The following MACROD2 variants were observed in gnomAD, a reference collection of about 807,000 sequenced individuals.
MACROD2 encodes mono-ADP ribosylhydrolase 2.
Under a neutral mutation model 70.4 loss-of-function variants are expected in MACROD2, and 36 were observed. The ratio of observed to expected loss-of-function variants is 0.51; its 90% CI spans 0.39 to 0.68. MACROD2 has a LOEUF of 0.68. Among genes scored for constraint, MACROD2 ranks in the 30% least tolerant of loss-of-function variants. The pLI is 0.00. For missense variants in MACROD2, 496 were observed against 538.4 expected (o/e 0.92, Z 0.78); for synonymous variants, 172 against 178.8 (o/e 0.96, Z 0.30).
At chr20:14,504,874 A>G (rs1411938084) in intron 4 of MACROD2, among the ~76,000 whole-genome samples, 1 of 152,210 alleles carries the variant, frequency 6.6e-6, no homozygotes, top group African/African-American at 2.4e-5. Context: ...CACACAGACA[A>G]TCATTATTCG....
intron 8 of MACROD2, among the ~76,000 whole-genome samples, chr20:15,849,329 CCT>C (rs1459367053): frequency 5.3e-5 from 8 of 152,184 alleles, no homozygotes; most frequent in Admixed American, 6.5e-5. Flanking sequence ...CAGCTTTTGT[CCT>C]CACAAAAATG....
At chr20:14,713,989 GAGC>G (rs1376979186) in intron 5 of MACROD2, among the ~76,000 whole-genome samples, 2 of 152,118 alleles carry the variant, frequency 1.3e-5, no homozygotes, top group Admixed American at 6.6e-5. Flanking sequence ...GTGTAAAGAA[GAGC>G]AGGACAGCAG....
intron 6 of MACROD2, among the ~76,000 whole-genome samples, chr20:15,354,877 T>C (rs551612156): frequency 6.6e-6 from 1 of 152,324 alleles, no homozygotes; most frequent in East Asian, 1.9e-4. Context: ...TGTACCATGA[T>C]AGAACTACAT....
intron 5 of MACROD2, among the ~76,000 whole-genome samples, chr20:14,702,294 C>T (rs2071205409): frequency 6.6e-6 from 1 of 151,470 alleles, no homozygotes; most frequent in Non-Finnish European, 1.5e-5. Flanking sequence ...AATAAAATAA[C>T]CAGTTATTTC....
chr20:15,792,686 A>G (rs895036575), intron 8 of MACROD2, among the ~76,000 whole-genome samples: 1 of 152,204 alleles, frequency 6.6e-6, no homozygotes, highest in African/African-American at 2.4e-5. Context: ...AGGATCCAGA[A>G]AAATAGCCAC....
chr20:14,734,365 G>A (rs1305914106), intron 5 of MACROD2, among the ~76,000 whole-genome samples: 1 of 151,620 alleles, frequency 6.6e-6, no homozygotes, highest in Non-Finnish European at 1.5e-5. Flanking sequence ...GCCACGTGTA[G>A]TGGCGGGTGC....
At chr20:15,675,003 C>A (rs1470914872) in intron 8 of MACROD2, among the ~76,000 whole-genome samples, 1 of 152,064 alleles carries the variant, frequency 6.6e-6, no homozygotes, top group Non-Finnish European at 1.5e-5. Flanking sequence ...CTGTTTGCAC[C>A]AAGGTTATCA....
At chr20:14,992,718 A>C (rs1438632886) in intron 5 of MACROD2, among the ~76,000 whole-genome samples, 1 of 152,226 alleles carries the variant, frequency 6.6e-6, no homozygotes, top group Non-Finnish European at 1.5e-5. Context: ...AGAAGAATTT[A>C]GAACTTTTAG....
At position 16,052,066 on chromosome 20, in the gene MACROD2, CT is replaced by C. The variant is rs1390465163; in HGVS notation, c.*2193del. The stretch of plus-strand genomic sequence containing the variant: ...AAAATTCTAGAAGAATGAAAGTAAT[CT>C]TTGTATCCAGGAAACTAAGAGAATG... On this transcript the variant is annotated 3_prime_UTR_variant, in exon 18 of 18. Coordinates refer to ENST00000684519, the MANE Select transcript of MACROD2 (RefSeq NM_001351661.2). The C allele has an allele frequency of 6.6e-6, 1 of 152,172 alleles. No homozygotes were observed. The highest frequency in any genetic ancestry group is 1.9e-4 in the East Asian group (1 of 5,202). 9.4% of individuals were successfully genotyped at this position (152,172 alleles called of 1,614,324 possible). A position where few individuals can be genotyped will look rare whatever the true frequency, so the allele number is the denominator to read the frequency against.
At position 14,685,043 on chromosome 20, in the gene MACROD2, G is replaced by A. The variant is rs1600538189; in HGVS notation, c.418+84G>A. On this transcript the variant is annotated intron_variant, in intron 5 of 17. Coordinates refer to ENST00000684519, the MANE Select transcript of MACROD2 (RefSeq NM_001351661.2). ...CAGTGTATAACTGGAAAAGGAAATGGCAGTGGTGGTATTTAATTAAATGTG... is the reference window on the plus strand; with the variant it reads ...CAGTGTATAACTGGAAAAGGAAATGACAGTGGTGGTATTTAATTAAATGTG... The A allele has an allele frequency of 1.2e-5, 13 of 1,041,004 alleles. No individual in the cohort carries two copies. The East Asian group carries it at 1.9e-4, about 15-fold the overall frequency. 64.5% of individuals were successfully genotyped at this position (1,041,004 alleles called of 1,614,324 possible).
intron 5 of MACROD2, among the ~76,000 whole-genome samples, chr20:14,979,784 C>T (rs969540058): frequency 6.6e-6 from 1 of 152,158 alleles, no homozygotes; most frequent in African/African-American, 2.4e-5. Flanking sequence ...AGAGAAGCTA[C>T]TTGTTCTGAT....
chr20:15,914,552 G>A (rs1440189644), intron 10 of MACROD2, among the ~76,000 whole-genome samples: 2 of 152,196 alleles, frequency 1.3e-5, no homozygotes, highest in Admixed American at 6.5e-5. Flanking sequence ...GAGATAACAC[G>A]TGGAAAGCAT....
rs180782534 is a variant in MACROD2 at position 14,322,288 on chromosome 20, G to A, written c.272-171191G>A. Among the ~76,000 whole-genome samples, 384 of 147,314 alleles carry A rather than the reference G, an allele frequency of 2.6e-3. 1 individual carries two copies. The highest frequency in any genetic ancestry group is 9.0e-3 in the African/African-American group (362 of 40,406). On this transcript the variant is annotated intron_variant, in intron 3 of 17. Transcript: ENST00000684519. ...CTCTTGGTGCTCTGTGTATTTGCTA[G>A]TATAAAACATGTTTCTGATTTATTC...
At position 14,292,328 on chromosome 20, in the gene MACROD2, G is replaced by A. The variant is rs545390709; in HGVS notation, c.272-201151G>A. Among the ~76,000 whole-genome samples the A allele has an allele frequency of 3.3e-5, 5 of 152,010 alleles. 1 individual carries two copies. The highest frequency in any genetic ancestry group is 1.2e-4 in the African/African-American group (5 of 41,352). On this transcript the variant is annotated intron_variant, in intron 3 of 17. Coordinates refer to ENST00000684519, the MANE Select transcript of MACROD2 (RefSeq NM_001351661.2). ...ATGTCTGAAGATATTTTTAATTAAT[G>A]TGACTCGGGGTTGGGTGGAGGTGGT...
chr20:15,473,954 G>A (rs548231293), intron 7 of MACROD2, among the ~76,000 whole-genome samples: 1 of 152,174 alleles, frequency 6.6e-6, no homozygotes, highest in Admixed American at 6.5e-5. Context: ...GTGTGGTTTT[G>A]GAGTTCAGAC....
chr20:14,757,130 A>G (rs2071951734), intron 5 of MACROD2, among the ~76,000 whole-genome samples: 1 of 152,174 alleles, frequency 6.6e-6, no homozygotes, highest in African/African-American at 2.4e-5. Context: ...TTTTTGAATT[A>G]AATATCTGAA....
chr20:14,318,532 CA>C (rs1405481356), intron 3 of MACROD2, among the ~76,000 whole-genome samples: 1 of 152,150 alleles, frequency 6.6e-6, no homozygotes, highest in East Asian at 1.9e-4. Flanking sequence ...TGAAAGTTTA[CA>C]TGAGTAAAAA....
intron 8 of MACROD2, among the ~76,000 whole-genome samples, chr20:15,583,987 G>A (rs918631153): frequency 6.6e-6 from 1 of 152,190 alleles, no homozygotes; most frequent in Non-Finnish European, 1.5e-5. Context: ...CACACCTTGT[G>A]GAAGACACTT....
chr20:15,419,160 T>G (rs919738704), intron 6 of MACROD2, among the ~76,000 whole-genome samples: 1 of 152,014 alleles, frequency 6.6e-6, no homozygotes, highest in Non-Finnish European at 1.5e-5. Context: ...TTGGGGCAAA[T>G]CCCAGGTGAT....
Sources: gnomAD v4.1 joint callset for allele counts (sites outside exome capture counted in the v4.1 genomes callset) on GRCh38, gnomAD v4.1.1 for gene constraint, MANE v1.5 for transcripts, NCBI Gene and HGNC (gene_info 2026-07-23, HGNC 2026-07-21) for gene names.